CPS1: variants seen among roughly 807,000 people sequenced by gnomAD.
The protein encoded by CPS1 is carbamoyl-phosphate synthase [ammonia], mitochondrial.
In CPS1, 109 loss-of-function variants were observed where a neutral mutation model predicts 174.6. That is an observed-to-expected ratio of 0.62 (90% CI 0.53 to 0.73). The LOEUF is 0.73. Ranked by LOEUF, CPS1 falls within the 30% of genes least tolerant of loss-of-function variation. The pLI, the probability that CPS1 is intolerant of heterozygous loss-of-function variation, is 0.00. For synonymous variants in CPS1, 637 were observed against 632.0 expected, an observed-to-expected ratio of 1.01 and a Z score of -0.12; for missense variants, 1,689 against 1,821.9, an observed-to-expected ratio of 0.93 and a Z score of 1.33.
intron 1 of CPS1, among the ~76,000 whole-genome samples, chr2:210,514,629 A>G (rs1559057221): frequency 6.6e-6 from 1 of 151,840 alleles, no homozygotes; most frequent in Non-Finnish European, 1.5e-5. Context: ...GTGAAGAGAG[A>G]TAGTTAGACT....
intron 21 of CPS1, chr2:210,619,709 C>G (rs1699439791): frequency 6.6e-6 from 1 of 152,062 alleles, no homozygotes; most frequent in South Asian, 2.1e-4. Flanking sequence ...TTCCCTTATG[C>G]TAATGAATAA....
intron 11 of CPS1, 70 bp downstream of exon 11, chr2:210,593,026 C>T (rs982587438): frequency 1.6e-6 from 2 of 1,277,638 alleles, no homozygotes; most frequent in Non-Finnish European, 2.3e-6. Flanking sequence ...TTCGAGAAAC[C>T]AAAATAATCA....
At chr2:210,611,904 T>G (rs1699134704) in intron 19 of CPS1, among the ~76,000 whole-genome samples, 1 of 151,112 alleles carries the variant, frequency 6.6e-6, no homozygotes, top group African/African-American at 2.4e-5. Context: ...GGTAAAAGAC[T>G]GACCTAATGA....
At chr2:210,611,936 T>C (rs368968340) in intron 19 of CPS1, among the ~76,000 whole-genome samples, 181 bp from the exon 20 acceptor site, 111 of 149,658 alleles carry the variant, frequency 7.4e-4, no homozygotes, top group African/African-American at 2.2e-3. Context: ...ACCAAAACCA[T>C]GGAGAAAGTG....
intron 23 of CPS1, 125 bp from the exon 24 acceptor site, chr2:210,639,871 A>G: frequency 5.5e-6 from 4 of 732,106 alleles, no homozygotes. Flanking sequence ...TCCAGAGACT[A>G]ATAGAGAATA....
At chr2:210,582,579 T>C (rs778326484) in intron 5 of CPS1, 38 bp from the exon 6 acceptor site, 5 of 1,489,464 alleles carry the variant, frequency 3.4e-6, no homozygotes, top group Non-Finnish European at 4.7e-6. Flanking sequence ...CCTTTATCGT[T>C]GCTTCCTTTT....
chr2:210,579,778 C>A lies in CPS1; in HGVS notation c.528+8C>A. The A allele has an allele frequency of 6.2e-7, 1 of 1,608,722 alleles. No homozygotes were observed. The highest frequency in any genetic ancestry group is 1.1e-5 in the South Asian group (1 of 90,992). ...AAAATAATTCGGGATAAGGTATAAT[C>A]ATCATCTTTAGCCAAATCTATGTTT... is the stretch of plus-strand genomic sequence containing the variant. On this transcript the variant is annotated splice_region_variant and intron_variant, in intron 5 of 37. Coordinates refer to ENST00000233072, the MANE Select transcript of CPS1 (RefSeq NM_001875.5).
At chr2:210,602,435 TA>T in intron 16 of CPS1, 105 bp downstream of exon 16, 1 of 1,384,134 alleles carries the variant, frequency 7.2e-7, no homozygotes. Flanking sequence ...TTTTCTTTAT[TA>T]AATCATGATC....
chr2:210,672,195 C>G (rs2105938273), intron 34 of CPS1: 1 of 152,244 alleles, frequency 6.6e-6, no homozygotes, highest in Admixed American at 6.5e-5. Flanking sequence ...GAGAACCACT[C>G]TACTTGAGCG....
Position 210,676,996 on chromosome 2 carries a change from T to C in CPS1, c.4275-11T>C. The C allele has an allele frequency of 1.2e-6, 2 of 1,613,026 alleles. No homozygotes were observed. The highest frequency in any genetic ancestry group is 1.7e-6 in the Non-Finnish European group (2 of 1,179,028). On this transcript the variant is annotated splice_polypyrimidine_tract_variant and intron_variant, in intron 36 of 37. Coordinates refer to ENST00000233072, the MANE Select transcript of CPS1 (RefSeq NM_001875.5). ...GCCTTGTTGTCTATAAGTTTTTGTT[T>C]ATTTTTCCAGATTGATTAGAGATGG...
intron 1 of CPS1, among the ~76,000 whole-genome samples, chr2:210,522,814 C>T (rs558764396): frequency 5.9e-5 from 9 of 151,980 alleles, no homozygotes; most frequent in East Asian, 3.9e-4. Context: ...ATGATAAATC[C>T]GTGATTTGGT....
intron 8 of CPS1, among the ~76,000 whole-genome samples, 170 bp downstream of exon 8, chr2:210,590,404 G>A (rs539113217): frequency 1.3e-5 from 2 of 152,140 alleles, no homozygotes; most frequent in East Asian, 3.9e-4. Context: ...CCAATGAGGA[G>A]AGAATATCAG....
intron 1 of CPS1, among the ~76,000 whole-genome samples, chr2:210,490,711 A>G (rs1459173601): frequency 6.6e-6 from 1 of 152,192 alleles, no homozygotes. Flanking sequence ...CAAAAGGTGG[A>G]TTTCTTGGGA....
chr2:210,601,776 A>C (rs941599899), intron 15 of CPS1, among the ~76,000 whole-genome samples: 6 of 151,938 alleles, frequency 3.9e-5, no homozygotes, highest in African/African-American at 9.7e-5. Flanking sequence ...CAGTGTTCCT[A>C]ATGGCTTATT....
chr2:210,651,148 G>T (rs1288376289), intron 28 of CPS1, among the ~76,000 whole-genome samples: 1 of 151,348 alleles, frequency 6.6e-6, no homozygotes, highest in African/African-American at 2.4e-5. Flanking sequence ...GCTTGTTGGG[G>T]CTTTTTTTTT....
At position 210,579,714 on chromosome 2, in the gene CPS1, G is replaced by T; in HGVS notation, c.472G>T (p.Val158Phe). 6.2e-7 allele frequency: 1 copy of T among 1,612,422 alleles called. No homozygotes were observed. ...SLGQWLQEEK[V>F]PAIYGVDTRM... Reference sequence around the variant, plus strand: ...TGTCACTACAATTTTTTTCTTATAGGTTCCTGCAATTTATGGAGTGGACAC... The same window carrying T: ...TGTCACTACAATTTTTTTCTTATAGTTTCCTGCAATTTATGGAGTGGACAC... Residue 158 changes from valine to phenylalanine, a missense_variant and splice_region_variant, in exon 5 of 38, where the codon GTT (valine) becomes TTT (phenylalanine). Physicochemically the swap from Val to Phe is conservative, Grantham distance 50. Coordinates refer to ENST00000233072, the MANE Select transcript of CPS1 (RefSeq NM_001875.5).
At chr2:210,578,955 T>C (rs937062862) in intron 4 of CPS1, among the ~76,000 whole-genome samples, 5 of 152,140 alleles carry the variant, frequency 3.3e-5, no homozygotes, top group Admixed American at 3.3e-4. Context: ...TAAATGTGCT[T>C]TGAACCTTCT....
chr2:210,485,694 G>C (rs1469763622), intron 1 of CPS1, among the ~76,000 whole-genome samples: 1 of 152,066 alleles, frequency 6.6e-6, no homozygotes, highest in Non-Finnish European at 1.5e-5. Context: ...ATGAATGGTT[G>C]AATTCTATCC....
rs544986572 is a variant in CPS1, at chr2:210,601,830, A to G, written c.1708-372A>G. Among the ~76,000 whole-genome samples, 82 of 152,060 alleles carry G rather than the reference A, an allele frequency of 5.4e-4. 4 individuals carry two copies. The South Asian group carries it at 0.011, about 21-fold the overall frequency. On this transcript the variant is annotated intron_variant, in intron 15 of 37. Transcript: ENST00000233072. The stretch of plus-strand genomic sequence containing the variant: ...CTTCAGCAGCAGAGAACCTGGTTTC[A>G]TTAAGACAGAGACTTTTAAGCTGCA...
Sources: allele counts gnomAD v4.1 joint callset (sites outside exome capture counted in the v4.1 genomes callset), GRCh38; gene constraint gnomAD v4.1.1; transcripts MANE v1.5; gene names NCBI Gene and HGNC (gene_info 2026-07-23, HGNC 2026-07-21).